The following IQSEC1 variants were observed in gnomAD, a reference collection of about 807,000 sequenced individuals.
IQSEC1 encodes the protein IQ motif and Sec7 domain ArfGEF 1.
IQSEC1 carries 31 observed loss-of-function variants against 91.0 expected under a neutral mutation model. That is an observed-to-expected ratio of 0.34 (90% CI 0.26 to 0.46). The LOEUF is 0.46. Ranked by LOEUF, IQSEC1 falls within the 20% of genes least tolerant of loss-of-function variation. The pLI, the probability that IQSEC1 is intolerant of heterozygous loss-of-function variation, is 1.00. For synonymous variants in IQSEC1, 699 were observed against 662.6 expected, an observed-to-expected ratio of 1.05 and a Z score of -0.84; for missense variants, 1,388 against 1,575.6, an observed-to-expected ratio of 0.88 and a Z score of 2.02.
intron 2 of IQSEC1, among the ~76,000 whole-genome samples, chr3:13,087,973 C>T (rs1218063528): frequency 6.6e-6 from 1 of 152,232 alleles, no homozygotes; most frequent in Non-Finnish European, 1.5e-5. Flanking sequence ...CCCCAACCCT[C>T]ACCGCTGCTG....
intron 2 of IQSEC1, among the ~76,000 whole-genome samples, chr3:13,156,187 G>T (rs1307974871): frequency 1.3e-5 from 2 of 151,914 alleles, no homozygotes; most frequent in African/African-American, 4.8e-5. Context: ...AGCTGAAACT[G>T]CACTGCTGCA....
At chr3:13,125,367 C>T (rs950174917) in intron 2 of IQSEC1, among the ~76,000 whole-genome samples, 8 of 152,222 alleles carry the variant, frequency 5.3e-5, no homozygotes, top group African/African-American at 1.7e-4. Context: ...TCCAGCTGCT[C>T]TCTGTCATTG....
At chr3:12,971,332 G>T (rs1700882270) in intron 1 of IQSEC1, among the ~76,000 whole-genome samples, 1 of 152,164 alleles carries the variant, frequency 6.6e-6, no homozygotes, top group Non-Finnish European at 1.5e-5. Context: ...GCCACAAGAT[G>T]GGATGCACTG....
chr3:13,144,996 C>T (rs140079185), intron 2 of IQSEC1, among the ~76,000 whole-genome samples: 150 of 152,318 alleles, frequency 9.8e-4, no homozygotes, highest in African/African-American at 3.4e-3. Flanking sequence ...CGGCCAGTCC[C>T]GGGAGTGTTC....
chr3:13,180,628 G>A (rs1407932339), intron 1 of IQSEC1, among the ~76,000 whole-genome samples: 2 of 151,866 alleles, frequency 1.3e-5, no homozygotes, highest in Admixed American at 1.3e-4. Context: ...AAATCTTGCT[G>A]CTGCTCACTC....
At chr3:13,048,748 G>C (rs1446369376) in intron 1 of IQSEC1, among the ~76,000 whole-genome samples, 2 of 152,224 alleles carry the variant, frequency 1.3e-5, no homozygotes, top group Non-Finnish European at 2.9e-5. Context: ...GCCGCTGGTA[G>C]ATCCTATGTT....
At position 13,071,481 on chromosome 3, in the gene IQSEC1, A is replaced by C. The variant is rs116314380; in HGVS notation, c.23+1511T>G. ...TCTCTGGCATCAGGCTCCTGGGCCC[A>C]GGCAAAGGTGTGGCAGGGAGGAGAC... is the stretch of plus-strand genomic sequence containing the variant. On this transcript the variant is annotated intron_variant, in intron 1 of 13. Transcript: ENST00000613206. Among the ~76,000 whole-genome samples, 335 of 152,304 alleles carry C rather than the reference A, an allele frequency of 2.2e-3. 2 individuals are homozygous for C. Among genetic ancestry groups the C allele is most frequent in the African/African-American group, 7.7e-3 (318 of 41,542 alleles).
intron 12 of IQSEC1, among the ~76,000 whole-genome samples, chr3:12,903,691 T>C (rs1385446165): frequency 6.6e-6 from 1 of 152,032 alleles, no homozygotes; most frequent in Admixed American, 6.5e-5. Flanking sequence ...CCTGAGGACT[T>C]CTCCGTGGAT....
intron 1 of IQSEC1, among the ~76,000 whole-genome samples, chr3:13,000,613 C>G (rs755065975): frequency 3.5e-4 from 53 of 152,202 alleles, no homozygotes; most frequent in Non-Finnish European, 7.3e-5. Flanking sequence ...ACAGGGCCTG[C>G]TACAGAGCCA....
At chr3:13,039,943 C>T (rs998387929) in intron 1 of IQSEC1, among the ~76,000 whole-genome samples, 2 of 152,248 alleles carry the variant, frequency 1.3e-5, no homozygotes, top group Non-Finnish European at 2.9e-5. Context: ...GGACAAGCTA[C>T]TTCTCCCCGT....
intron 1 of IQSEC1, 47 bp from the exon 2 acceptor site, chr3:12,941,912 G>A (rs1206289868): frequency 2.7e-6 from 4 of 1,506,866 alleles, no homozygotes; most frequent in Admixed American, 2.1e-5. Flanking sequence ...CGGGAAATCT[G>A]AACACGACAC....
At chr3:13,234,538 C>T (rs935833341) in intron 1 of IQSEC1, among the ~76,000 whole-genome samples, 1 of 152,204 alleles carries the variant, frequency 6.6e-6, no homozygotes, top group African/African-American at 2.4e-5. Context: ...CCCCCTACCC[C>T]ATGTCATCTT....
chr3:12,976,625 G>A (rs915267168), intron 1 of IQSEC1, among the ~76,000 whole-genome samples: 2 of 152,136 alleles, frequency 1.3e-5, no homozygotes, highest in Non-Finnish European at 2.9e-5. Flanking sequence ...CATTCTCTCT[G>A]TCTCATCGAT....
chr3:13,114,022 A>G (rs747635442), intron 2 of IQSEC1, among the ~76,000 whole-genome samples: 1 of 152,226 alleles, frequency 6.6e-6, no homozygotes, highest in Non-Finnish European at 1.5e-5. Context: ...GAAAGCTTAC[A>G]TGGGATACAG....
chr3:12,945,795 A>C (rs185273309), intron 1 of IQSEC1, among the ~76,000 whole-genome samples: 40 of 152,338 alleles, frequency 2.6e-4, no homozygotes, highest in Non-Finnish European at 5.6e-4. Flanking sequence ...CTGATAAATA[A>C]AAATACAATT....
intron 1 of IQSEC1, among the ~76,000 whole-genome samples, chr3:13,281,417 T>C (rs1333716017): frequency 2.0e-5 from 3 of 151,656 alleles, no homozygotes; most frequent in Non-Finnish European, 2.9e-5. Context: ...CCTTCTCCAT[T>C]CACAGAGAGC....
intron 1 of IQSEC1, among the ~76,000 whole-genome samples, chr3:13,209,827 T>C (rs1401708589): frequency 6.6e-6 from 1 of 152,202 alleles, no homozygotes; most frequent in Non-Finnish European, 1.5e-5. Context: ...GGAATTCTTT[T>C]GCACTTTCCA....
At chr3:13,090,087 G>T (rs537642132) in intron 2 of IQSEC1, among the ~76,000 whole-genome samples, 1 of 152,002 alleles carries the variant, frequency 6.6e-6, no homozygotes, top group East Asian at 1.9e-4. Flanking sequence ...GTGTGGTGGC[G>T]TGCACCTGTA....
chr3:13,198,586 G>T lies in IQSEC1; in HGVS notation c.273-34453C>A, dbSNP rs142474767. ...CTGGGTGGCACAGGGAAATGCACATGTTCTGAGTTTGGCTTGGTGGTGACC... is the reference window on the plus strand; with the variant it reads ...CTGGGTGGCACAGGGAAATGCACATTTTCTGAGTTTGGCTTGGTGGTGACC... On this transcript the variant is annotated intron_variant, in intron 1 of 15. Transcript: ENST00000648114. Among the ~76,000 whole-genome samples, 815 of 152,258 alleles carry T rather than the reference G, an allele frequency of 5.4e-3. 6 individuals are homozygous for T. Among genetic ancestry groups the T allele is most frequent in the African/African-American group, 0.019 (782 of 41,534 alleles).
Sources: allele counts gnomAD v4.1 joint callset (sites outside exome capture counted in the v4.1 genomes callset), GRCh38; gene constraint gnomAD v4.1.1; transcripts MANE v1.5; gene names NCBI Gene and HGNC (gene_info 2026-07-23, HGNC 2026-07-21).